The following CTNNAL1 variants were observed in gnomAD, a reference collection of about 807,000 sequenced individuals.
CTNNAL1 encodes alpha-catulin.
In CTNNAL1, 69 loss-of-function variants were observed where a neutral mutation model predicts 93.6. That is an observed-to-expected ratio of 0.74 (90% CI 0.61 to 0.90). The LOEUF (loss-of-function observed/expected upper bound fraction) is 0.90, where lower values mean the gene tolerates loss of function less well. Ranked by LOEUF, CTNNAL1 falls within the 40% of genes least tolerant of loss-of-function variation. The pLI is 0.00. For synonymous variants in CTNNAL1, 286 were observed against 305.4 expected (o/e 0.94, Z 0.66); for missense variants, 836 against 862.0 (o/e 0.97, Z 0.38).
chr9:108,987,664 T>A (rs1255463735), intron 4 of CTNNAL1, among the ~76,000 whole-genome samples: 2 of 152,216 alleles, frequency 1.3e-5, no homozygotes, highest in East Asian at 3.8e-4. Flanking sequence ...CCCATGAGCA[T>A]GGAATGTTCT....
rs761561714 is a variant in CTNNAL1 at position 108,992,831 on chromosome 9, G to T, written c.332-12C>A. ...TGCAATTGTTTCTCCTAACAAGAAA[G>T]ACGAGGGGAGAAAGTTAAACAGGCA... On this transcript the variant is annotated splice_polypyrimidine_tract_variant and intron_variant, in intron 2 of 18. Coordinates refer to ENST00000325551, the MANE Select transcript of CTNNAL1 (RefSeq NM_003798.4). 2 of 1,598,616 alleles carry T rather than the reference G, an allele frequency of 1.3e-6. No individual in the cohort carries two copies. The highest frequency in any genetic ancestry group is 3.5e-5 in the Admixed American group (2 of 57,038).
At chr9:108,971,755 A>C (rs747861557) in intron 9 of CTNNAL1, among the ~76,000 whole-genome samples, 1 of 152,192 alleles carries the variant, frequency 6.6e-6, no homozygotes, top group Non-Finnish European at 1.5e-5. Flanking sequence ...GAACAGACTA[A>C]TACAGTTGGG....
intron 1 of CTNNAL1, among the ~76,000 whole-genome samples, chr9:109,008,152 C>CTTTTTTTTTT (rs149753320): frequency 2.3e-5 from 2 of 85,292 alleles, no homozygotes; most frequent in East Asian, 3.7e-4. Context: ...ATCCATCTTT[C>CTTTTTTTTTT]TTTTTTTTTT....
intron 14 of CTNNAL1, among the ~76,000 whole-genome samples, chr9:108,951,467 C>T (rs1391105116): frequency 6.6e-6 from 1 of 152,072 alleles, no homozygotes; most frequent in East Asian, 1.9e-4. Context: ...GGACAGGAGC[C>T]AGAAAACTGG....
intron 11 of CTNNAL1, among the ~76,000 whole-genome samples, chr9:108,958,061 C>G (rs1225057889): frequency 2.1e-5 from 1 of 47,428 alleles, no homozygotes; most frequent in Non-Finnish European, 4.0e-5. Context: ...GCAAGACTGT[C>G]TCAAAAAAAA....
intron 14 of CTNNAL1, chr9:108,950,889 C>A: frequency 3.3e-6 from 1 of 306,942 alleles, no homozygotes; most frequent in Non-Finnish European, 6.0e-6. Context: ...TGCCTATGGA[C>A]ATAAAGTACT....
chr9:108,967,442 G>A (rs917778738), intron 10 of CTNNAL1, among the ~76,000 whole-genome samples: 1 of 152,106 alleles, frequency 6.6e-6, no homozygotes, highest in Non-Finnish European at 1.5e-5. Context: ...ATACTAGTAG[G>A]CACTGTGCCC....
chr9:109,002,947 C>T (rs979747818), intron 1 of CTNNAL1, among the ~76,000 whole-genome samples: 4 of 151,902 alleles, frequency 2.6e-5, no homozygotes, highest in East Asian at 1.9e-4. Context: ...AAGCCAAGAT[C>T]GTGCCATTGC....
intron 10 of CTNNAL1, among the ~76,000 whole-genome samples, chr9:108,967,821 T>C (rs1831003264): frequency 6.6e-6 from 1 of 152,160 alleles, no homozygotes; most frequent in Non-Finnish European, 1.5e-5. Flanking sequence ...GCATAGATGG[T>C]AAGGACTGGA....
At chr9:108,965,287 G>T (rs1830922939) in intron 11 of CTNNAL1, 91 bp downstream of exon 11, 1 of 1,084,586 alleles carries the variant, frequency 9.2e-7, no homozygotes, top group Non-Finnish European at 1.2e-6. Context: ...GTTACGACAA[G>T]AATTCATTTG....
chr9:109,008,345 C>T (rs563146653), intron 1 of CTNNAL1, among the ~76,000 whole-genome samples: 64 of 151,730 alleles, frequency 4.2e-4, no homozygotes, highest in Non-Finnish European at 5.6e-4. Context: ...TTAGTAGAGA[C>T]GGGGTTGGTC....
chr9:108,968,750 G>A, intron 10 of CTNNAL1, among the ~76,000 whole-genome samples: 1 of 152,270 alleles, frequency 6.6e-6, no homozygotes, highest in Non-Finnish European at 1.5e-5. Flanking sequence ...GATTCTCCTA[G>A]AGGGCACACA....
chr9:108,953,692 A>T (rs1411681618), intron 12 of CTNNAL1, among the ~76,000 whole-genome samples: 1 of 152,220 alleles, frequency 6.6e-6, no homozygotes, highest in African/African-American at 2.4e-5. Flanking sequence ...AGCCTCGTGG[A>T]GTTTAGATCT....
intron 4 of CTNNAL1, among the ~76,000 whole-genome samples, chr9:108,989,753 T>A (rs556314706): frequency 6.6e-6 from 1 of 152,232 alleles, no homozygotes; most frequent in East Asian, 1.9e-4. Context: ...AACAGACCCA[T>A]AAGGAACTAA....
chr9:108,991,067 G>A (rs1452521913), intron 3 of CTNNAL1, among the ~76,000 whole-genome samples: 1 of 152,124 alleles, frequency 6.6e-6, no homozygotes. Flanking sequence ...GAGATTTTGA[G>A]TTACTTGAAA....
At chr9:108,946,118 G>C (rs1369688837) in intron 15 of CTNNAL1, among the ~76,000 whole-genome samples, 2 of 152,008 alleles carry the variant, frequency 1.3e-5, no homozygotes, top group Non-Finnish European at 2.9e-5. Context: ...GGCCAACATG[G>C]TGAAACCCTG....
At chr9:108,948,729 C>T (rs2132085672) in intron 14 of CTNNAL1, among the ~76,000 whole-genome samples, 1 of 152,268 alleles carries the variant, frequency 6.6e-6, no homozygotes, top group African/African-American at 2.4e-5. Flanking sequence ...AATACTTGTG[C>T]TACCACTCTC....
chr9:108,967,770 A>G (rs1410621993), intron 10 of CTNNAL1, among the ~76,000 whole-genome samples: 1 of 152,204 alleles, frequency 6.6e-6, no homozygotes, highest in Non-Finnish European at 1.5e-5. Flanking sequence ...ACAGACTGAC[A>G]TGAGCAAGAG....
At chr9:109,001,710 T>C (rs890326938) in intron 1 of CTNNAL1, among the ~76,000 whole-genome samples, 1 of 152,096 alleles carries the variant, frequency 6.6e-6, no homozygotes. Flanking sequence ...GCTGAGTGAG[T>C]GAACTTGAGA....
Sources: gnomAD v4.1 joint callset for allele counts (sites outside exome capture counted in the v4.1 genomes callset) on GRCh38, gnomAD v4.1.1 for gene constraint, MANE v1.5 for transcripts, NCBI Gene and HGNC (gene_info 2026-07-23, HGNC 2026-07-21) for gene names.